CNTNAP2: variants seen among roughly 807,000 people sequenced by gnomAD.
The protein encoded by CNTNAP2 is contactin-associated protein-like 2.
A neutral mutation model predicts 155.2 loss-of-function variants in CNTNAP2; 98 were observed. That is an observed-to-expected ratio of 0.63 (90% CI 0.54 to 0.75). The LOEUF (loss-of-function observed/expected upper bound fraction) is 0.75. CNTNAP2 is among the 30% of genes least tolerant of loss of function. The pLI is 0.00. For synonymous variants in CNTNAP2, 651 were observed against 631.2 expected (o/e 1.03, Z -0.47); for missense variants, 1,727 against 1,688.1 (o/e 1.02, Z -0.40).
intron 14 of CNTNAP2, among the ~76,000 whole-genome samples, chr7:147,910,688 G>T (rs773018454): frequency 2.6e-5 from 4 of 152,160 alleles, no homozygotes; most frequent in Non-Finnish European, 5.9e-5. Flanking sequence ...GCAGGCAAGA[G>T]AACTTGTGCA....
At chr7:148,388,308 C>T (rs1799264543) in intron 22 of CNTNAP2, among the ~76,000 whole-genome samples, 1 of 120,900 alleles carries the variant, frequency 8.3e-6, no homozygotes, top group African/African-American at 3.1e-5. Context: ...CCCCACCCCA[C>T]AATAGTCCCC....
intron 1 of CNTNAP2, among the ~76,000 whole-genome samples, chr7:146,268,493 G>C (rs748413241): frequency 6.6e-6 from 1 of 152,150 alleles, no homozygotes; most frequent in Non-Finnish European, 1.5e-5. Flanking sequence ...CCCTAAGTAG[G>C]AGAGGCATGA....
chr7:147,751,603 G>T (rs1488220129), intron 13 of CNTNAP2, among the ~76,000 whole-genome samples: 1 of 152,214 alleles, frequency 6.6e-6, no homozygotes, highest in African/African-American at 2.4e-5. Flanking sequence ...CAGAATAAAA[G>T]GGGATGAAAT....
chr7:147,358,677 T>A (rs554868955), intron 9 of CNTNAP2, among the ~76,000 whole-genome samples: 1 of 151,990 alleles, frequency 6.6e-6, no homozygotes, highest in Non-Finnish European at 1.5e-5. Flanking sequence ...TTTCTCCTAA[T>A]TAAAAAAAAA....
chr7:147,801,933 G>C (rs1312170028), intron 13 of CNTNAP2, among the ~76,000 whole-genome samples: 1 of 150,470 alleles, frequency 6.6e-6, no homozygotes, highest in Admixed American at 6.6e-5. Flanking sequence ...TCCTGGACGG[G>C]GCGGCTGGCC....
intron 14 of CNTNAP2, among the ~76,000 whole-genome samples, chr7:147,922,860 A>G (rs1045141614): frequency 9.9e-5 from 15 of 152,214 alleles, no homozygotes; most frequent in African/African-American, 3.6e-4. Context: ...GTTGTCATTT[A>G]TTTCAAGCTC....
chr7:147,747,273 A>G (rs1256227621), intron 13 of CNTNAP2, among the ~76,000 whole-genome samples: 1 of 152,130 alleles, frequency 6.6e-6, no homozygotes. Context: ...TTTTCTCATC[A>G]GTCCTTTCCT....
chr7:146,288,804 T>C lies in CNTNAP2; in HGVS notation c.97+171831T>C, dbSNP rs533216088. Reference sequence around the variant, plus strand: ...GAGTAAAATTAGTAATTTTTTTTTTTTTTTTTTTTTTTTTTTTTGAGACAG... The same window carrying C: ...GAGTAAAATTAGTAATTTTTTTTTTCTTTTTTTTTTTTTTTTTTGAGACAG... On this transcript the variant is annotated intron_variant, in intron 1 of 23. Transcript: ENST00000361727. 4.1e-4 allele frequency among the ~76,000 whole-genome samples: 57 copies of C among 138,682 alleles called. 1 individual carries two copies. The South Asian group carries it at 0.011, about 27-fold the overall frequency. The allele number at this position is 138,682 out of a possible 152,430, so 91.0% of individuals were successfully genotyped here. A position where few individuals can be genotyped will look rare whatever the true frequency, so the allele number is the denominator to read the frequency against.
chr7:147,902,587 G>T (rs1462751235), intron 13 of CNTNAP2, among the ~76,000 whole-genome samples: 2 of 152,008 alleles, frequency 1.3e-5, no homozygotes, highest in Non-Finnish European at 1.5e-5. Flanking sequence ...AGTCCCCAAA[G>T]TCCTTGTATC....
At chr7:148,142,213 C>T (rs1005533780) in intron 16 of CNTNAP2, among the ~76,000 whole-genome samples, 14 of 150,926 alleles carry the variant, frequency 9.3e-5, no homozygotes, top group African/African-American at 3.4e-4. Context: ...GATGGCATCC[C>T]GTGTATAGGT....
chr7:146,259,991 G>C (rs2462818), intron 1 of CNTNAP2, among the ~76,000 whole-genome samples: 33,420 of 152,162 alleles, frequency 0.22, 9,011 homozygotes, highest in African/African-American at 0.64. Flanking sequence ...AGCCCAGGGC[G>C]ATGCTGTTCT....
intron 3 of CNTNAP2, among the ~76,000 whole-genome samples, chr7:146,986,002 T>C (rs1019589127): frequency 6.6e-6 from 1 of 152,164 alleles, no homozygotes; most frequent in African/African-American, 2.4e-5. Context: ...TTTTTAATTT[T>C]AATTTTTTTT....
intron 1 of CNTNAP2, among the ~76,000 whole-genome samples, chr7:146,357,843 A>T (rs1416415636): frequency 6.6e-6 from 1 of 151,918 alleles, no homozygotes; most frequent in African/African-American, 2.4e-5. Context: ...TAAACAAGAA[A>T]AACAATCATC....
At chr7:146,256,871 T>A (rs757564541) in intron 1 of CNTNAP2, among the ~76,000 whole-genome samples, 1 of 152,194 alleles carries the variant, frequency 6.6e-6, no homozygotes, top group Non-Finnish European at 1.5e-5. Context: ...TGGAGGTTTT[T>A]ATTTTTTCCC....
intron 3 of CNTNAP2, among the ~76,000 whole-genome samples, chr7:147,043,465 T>C (rs1031704637): frequency 2.6e-5 from 4 of 152,210 alleles, no homozygotes; most frequent in East Asian, 1.9e-4. Context: ...CGTGTTCAAT[T>C]GTTCTTCTTC....
At chr7:146,951,717 T>G (rs1303901002) in intron 3 of CNTNAP2, among the ~76,000 whole-genome samples, 1 of 152,192 alleles carries the variant, frequency 6.6e-6, no homozygotes, top group Non-Finnish European at 1.5e-5. Flanking sequence ...TAATTTGAAG[T>G]CAGGTAGTGT....
At chr7:147,830,923 A>G (rs1798536027) in intron 13 of CNTNAP2, among the ~76,000 whole-genome samples, 1 of 152,168 alleles carries the variant, frequency 6.6e-6, no homozygotes, top group South Asian at 2.1e-4. Context: ...CAAAGAATTA[A>G]ATTTTGTTTT....
At chr7:147,838,009 ATCT>A (rs1237276556) in intron 13 of CNTNAP2, among the ~76,000 whole-genome samples, 1 of 151,982 alleles carries the variant, frequency 6.6e-6, no homozygotes, top group East Asian at 1.9e-4. Flanking sequence ...ATTTCCATAC[ATCT>A]TCTGAAATCT....
intron 3 of CNTNAP2, among the ~76,000 whole-genome samples, chr7:147,030,183 G>A (rs1401443374): frequency 6.6e-6 from 1 of 152,138 alleles, no homozygotes; most frequent in African/African-American, 2.4e-5. Flanking sequence ...CTGAGGTTTG[G>A]CATTTTTCCA....
Sources: gnomAD v4.1 joint callset for allele counts (sites outside exome capture counted in the v4.1 genomes callset) on GRCh38, gnomAD v4.1.1 for gene constraint, MANE v1.5 for transcripts, NCBI Gene and HGNC (gene_info 2026-07-23, HGNC 2026-07-21) for gene names.